Variants in CNTN4 observed in about 807,000 individuals in gnomAD.
CNTN4 encodes the protein contactin 4.
In CNTN4, 77 loss-of-function variants were observed where a neutral mutation model predicts 122.5. The ratio of observed to expected loss-of-function variants is 0.63; its 90% CI spans 0.52 to 0.76. The LOEUF (loss-of-function observed/expected upper bound fraction) is 0.76, where lower values mean the gene tolerates loss of function less well. Ranked by LOEUF, CNTN4 falls within the 30% of genes least tolerant of loss-of-function variation. The pLI, the probability that CNTN4 is intolerant of heterozygous loss-of-function variation, is 0.00. For synonymous variants in CNTN4, 512 were observed against 447.0 expected (o/e 1.15, Z -1.83); for missense variants, 1,256 against 1,259.1 (o/e 1.00, Z 0.04).
At chr3:2,555,643 A>G (rs1048388965) in intron 3 of CNTN4, among the ~76,000 whole-genome samples, 1 of 152,174 alleles carries the variant, frequency 6.6e-6, no homozygotes, top group African/African-American at 2.4e-5. Flanking sequence ...GGGAAGAGAG[A>G]GGGGAACAGC....
Position 2,895,845 on chromosome 3 carries a change from T to C in CNTN4, c.941-4840T>C, listed in dbSNP as rs374612692. ...GTCAGGAGATCGAGACCATCCTGGC[T>C]AACAGGGTGAAACCCCGTCTCTACT... On this transcript the variant is annotated intron_variant, in intron 10 of 24. Coordinates refer to ENST00000418658, the MANE Select transcript of CNTN4 (RefSeq NM_175607.3). 8.0e-4 allele frequency among the ~76,000 whole-genome samples: 122 copies of C among 152,204 alleles called. 1 individual carries two copies. Among genetic ancestry groups the C allele is most frequent in the African/African-American group, 2.2e-3 (90 of 41,558 alleles).
chr3:2,407,481 C>A (rs1359186898), intron 3 of CNTN4, among the ~76,000 whole-genome samples: 1 of 151,956 alleles, frequency 6.6e-6, no homozygotes, highest in Non-Finnish European at 1.5e-5. Context: ...TTTCATAAAT[C>A]TGTCTGTGGA....
At chr3:2,542,512 C>T (rs1273576159) in intron 3 of CNTN4, among the ~76,000 whole-genome samples, 1 of 152,120 alleles carries the variant, frequency 6.6e-6, no homozygotes, top group African/African-American at 2.4e-5. Context: ...TAAGCTTCTG[C>T]ATTTTCTTTC....
At chr3:2,824,745 T>C (rs2092951488) in intron 7 of CNTN4, among the ~76,000 whole-genome samples, 1 of 152,120 alleles carries the variant, frequency 6.6e-6, no homozygotes. Context: ...CACTGCAACC[T>C]CCGCCTCCTG....
intron 12 of CNTN4, among the ~76,000 whole-genome samples, chr3:2,920,647 T>C (rs1314213401): frequency 6.6e-6 from 1 of 152,114 alleles, no homozygotes; most frequent in African/African-American, 2.4e-5. Flanking sequence ...AAGTCCGTGA[T>C]AATGGTGACT....
At chr3:2,326,081 G>A (rs2043444460) in intron 2 of CNTN4, among the ~76,000 whole-genome samples, 1 of 152,162 alleles carries the variant, frequency 6.6e-6, no homozygotes, top group Non-Finnish European at 1.5e-5. Flanking sequence ...CTGTGAGGAT[G>A]TTTCTGGATG....
chr3:3,029,122 A>G (rs1474329367), intron 15 of CNTN4, among the ~76,000 whole-genome samples: 1 of 152,210 alleles, frequency 6.6e-6, no homozygotes, highest in Non-Finnish European at 1.5e-5. Flanking sequence ...TTATTGAGCA[A>G]TTATAAGACT....
In CNTN4 at chr3:2,400,402, T is replaced by TA. The variant is rs748809822; in HGVS notation, c.-89+61169_-89+61170insA. ...TATGTGTGTGGTGTGTGTATGTGTG[T>TA]GAATATATATATATATATATATATA... is the stretch of plus-strand genomic sequence containing the variant. On this transcript the variant is annotated intron_variant, in intron 3 of 24. Transcript: ENST00000418658. 5.8e-3 allele frequency among the ~76,000 whole-genome samples: 607 copies of TA among 104,996 alleles called. 5 individuals carry two copies. The highest frequency in any genetic ancestry group is 9.1e-3 in the Non-Finnish European group (446 of 49,150). The allele number at this position is 104,996 out of a possible 152,430, so 68.9% of individuals were successfully genotyped here. A position where few individuals can be genotyped will look rare whatever the true frequency, so the allele number is the denominator to read the frequency against.
chr3:2,481,135 C>T (rs1218130046), intron 3 of CNTN4, among the ~76,000 whole-genome samples: 1 of 146,532 alleles, frequency 6.8e-6, no homozygotes, highest in African/African-American at 2.5e-5. Flanking sequence ...CTCTTTCTTT[C>T]TCTCTTTCTT....
intron 13 of CNTN4, among the ~76,000 whole-genome samples, chr3:2,979,006 C>A (rs1325970476): frequency 1.3e-5 from 2 of 152,214 alleles, no homozygotes; most frequent in South Asian, 4.1e-4. Flanking sequence ...TATACCACTT[C>A]ACTTTTGGAA....
At chr3:2,729,597 C>G (rs1033015910) in intron 4 of CNTN4, among the ~76,000 whole-genome samples, 1 of 148,208 alleles carries the variant, frequency 6.7e-6, no homozygotes, top group Non-Finnish European at 1.5e-5. Flanking sequence ...TGTCTGTGCT[C>G]AATTCATAAC....
At chr3:3,022,071 CA>C (rs36094888) in intron 14 of CNTN4, among the ~76,000 whole-genome samples, 34,419 of 110,578 alleles carry the variant, frequency 0.31, 4,240 homozygotes, top group African/African-American at 0.38. Flanking sequence ...ACCAAGAATT[CA>C]AAAAAAAAAA....
chr3:2,893,470 T>C (rs1277977828), intron 10 of CNTN4, among the ~76,000 whole-genome samples: 1 of 152,220 alleles, frequency 6.6e-6, no homozygotes, highest in Admixed American at 6.5e-5. Context: ...AGAACTGATA[T>C]TGATACCCTC....
chr3:2,514,916 TCCCTCCATCTTCTGCTACC>T (rs767828009), intron 3 of CNTN4, among the ~76,000 whole-genome samples: 2 of 151,828 alleles, frequency 1.3e-5, no homozygotes, highest in Non-Finnish European at 2.9e-5. Context: ...TTCCTTCCCT[TCCCTCCATCTTCTGCTACC>T]CCCTCCCTCT....
intron 2 of CNTN4, among the ~76,000 whole-genome samples, chr3:2,196,912 T>C (rs950922992): frequency 6.6e-6 from 1 of 151,556 alleles, no homozygotes; most frequent in African/African-American, 2.4e-5. Flanking sequence ...GGCATGGTGG[T>C]GCATGCCTGT....
At chr3:2,187,732 G>A (rs1006342102) in intron 2 of CNTN4, among the ~76,000 whole-genome samples, 3 of 152,086 alleles carry the variant, frequency 2.0e-5, no homozygotes, top group Admixed American at 6.6e-5. Flanking sequence ...ATCAAAGCAG[G>A]ACCACCTTAT....
At chr3:2,521,338 A>ACCCATCG (rs1553678436) in intron 3 of CNTN4, among the ~76,000 whole-genome samples, 4 of 83,330 alleles carry the variant, frequency 4.8e-5, no homozygotes, top group Admixed American at 2.6e-4. Context: ...GTGGACCTCT[A>ACCCATCG]CCCATCCCCC....
At chr3:2,153,096 C>T (rs1201878580) in intron 2 of CNTN4, among the ~76,000 whole-genome samples, 2 of 152,046 alleles carry the variant, frequency 1.3e-5, no homozygotes, top group African/African-American at 2.4e-5. Context: ...GGCAATAGCT[C>T]AGTAATAGAG....
chr3:2,769,847 A>T (rs566185383), intron 6 of CNTN4, among the ~76,000 whole-genome samples: 1 of 151,970 alleles, frequency 6.6e-6, no homozygotes, highest in South Asian at 2.1e-4. Flanking sequence ...GATCAAAAAT[A>T]GCAGCAAGAC....
Sources: allele counts gnomAD v4.1 joint callset (sites outside exome capture counted in the v4.1 genomes callset), GRCh38; gene constraint gnomAD v4.1.1; transcripts MANE v1.5; gene names NCBI Gene and HGNC (gene_info 2026-07-23, HGNC 2026-07-21).